Variants in NPR3 observed in about 807,000 individuals in gnomAD.
NPR3 encodes the protein natriuretic peptide receptor 3.
In NPR3, 34 loss-of-function variants were observed where a neutral mutation model predicts 54.5. The observed-to-expected ratio is 0.62, with a 90% CI of 0.47 to 0.83. The LOEUF (loss-of-function observed/expected upper bound fraction) is 0.83. NPR3 is among the 40% of genes least tolerant of loss of function. The probability of loss-of-function intolerance (pLI) is 0.00; values close to 1 mark genes in which losing one functional copy is unlikely to be tolerated. For synonymous variants in NPR3, 289 were observed against 297.1 expected, an observed-to-expected ratio of 0.97 and a Z score of 0.28; for missense variants, 674 against 720.8, an observed-to-expected ratio of 0.94 and a Z score of 0.74.
At chr5:32,744,270 C>G (rs1481673997) in intron 3 of NPR3, among the ~76,000 whole-genome samples, 1 of 152,116 alleles carries the variant, frequency 6.6e-6, no homozygotes, top group East Asian at 1.9e-4. Context: ...GGATTACAGG[C>G]GTGAGCCATC....
At chr5:32,740,437 T>A (rs817901) in intron 3 of NPR3, among the ~76,000 whole-genome samples, 58,484 of 152,030 alleles carry the variant, frequency 0.38, 12,076 homozygotes, top group African/African-American at 0.54. Context: ...CATACAAAGG[T>A]TCTTATAAAC....
intron 1 of NPR3, among the ~76,000 whole-genome samples, chr5:32,699,643 G>A (rs1055325320): frequency 6.6e-6 from 1 of 152,110 alleles, no homozygotes; most frequent in Non-Finnish European, 1.5e-5. Flanking sequence ...CTTGTATTGT[G>A]TATGTCTTGA....
At chr5:32,752,092 T>C (rs1369621685) in intron 3 of NPR3, among the ~76,000 whole-genome samples, 1 of 152,098 alleles carries the variant, frequency 6.6e-6, no homozygotes, top group African/African-American at 2.4e-5. Context: ...TAATTCCAGC[T>C]ACTCGGGAGG....
At chr5:32,737,038 G>A (rs995978704) in intron 2 of NPR3, among the ~76,000 whole-genome samples, 2 of 152,162 alleles carry the variant, frequency 1.3e-5, no homozygotes, top group African/African-American at 4.8e-5. Context: ...GTGCCCAGCT[G>A]CCTCCTGGCT....
chr5:32,776,892 G>A (rs1742078762), intron 4 of NPR3, among the ~76,000 whole-genome samples: 1 of 152,118 alleles, frequency 6.6e-6, no homozygotes, highest in African/African-American at 2.4e-5. Context: ...GTTTAGAGTG[G>A]TCAGGGAAGG....
At chr5:32,777,972 C>G (rs1742149285) in intron 4 of NPR3, among the ~76,000 whole-genome samples, 1 of 152,158 alleles carries the variant, frequency 6.6e-6, no homozygotes, top group African/African-American at 2.4e-5. Flanking sequence ...CTATTACTCA[C>G]TACATGGTGT....
intron 1 of NPR3, among the ~76,000 whole-genome samples, chr5:32,714,976 C>T (rs961736457): frequency 2.6e-5 from 4 of 152,174 alleles, no homozygotes; most frequent in Non-Finnish European, 5.9e-5. Context: ...GTGAGGGTTA[C>T]AGAAGCTAAC....
chr5:32,751,024 G>A (rs1740547941), intron 3 of NPR3, among the ~76,000 whole-genome samples: 1 of 152,170 alleles, frequency 6.6e-6, no homozygotes, highest in South Asian at 2.1e-4. Flanking sequence ...TTTTAAAAAT[G>A]CGTCTTTCCT....
intron 1 of NPR3, among the ~76,000 whole-genome samples, chr5:32,695,034 A>T (rs1740489043): frequency 6.6e-6 from 1 of 152,200 alleles, no homozygotes; most frequent in Non-Finnish European, 1.5e-5. Flanking sequence ...ACATGACAGG[A>T]TCTCATTCTT....
rs1490254535 is a variant in NPR3 at position 32,728,833 on chromosome 5, GTGTGTATATATATATATATATA to G, written c.892+4015_892+4036del. ...GGAATATTTGTGTGTGTGTGTGTGT[GTGTGTATATATATATATATATA>G]TATATATATATATATATATATGTAA... On this transcript the variant is annotated intron_variant, in intron 2 of 7. Coordinates refer to ENST00000265074, the MANE Select transcript of NPR3 (RefSeq NM_001204375.2). Among the ~76,000 whole-genome samples the G allele has an allele frequency of 1.1e-3, 70 of 64,062 alleles. 2 individuals are homozygous for G. The highest frequency in any genetic ancestry group is 4.4e-3 in the African/African-American group (67 of 15,230). The allele number at this position is 64,062 out of a possible 152,430, so 42.0% of individuals were successfully genotyped here. A position where few individuals can be genotyped will look rare whatever the true frequency, so the allele number is the denominator to read the frequency against.
At chr5:32,745,214 G>T (rs187162515) in intron 3 of NPR3, among the ~76,000 whole-genome samples, 2 of 152,258 alleles carry the variant, frequency 1.3e-5, no homozygotes, top group African/African-American at 4.8e-5. Flanking sequence ...TAGTAATGGG[G>T]TTTCACAGTG....
Position 32,711,493 on chromosome 5 carries a change from A to G in NPR3, c.-284A>G, listed in dbSNP as rs1283550330. The G allele has an allele frequency of 1.7e-6, 2 of 1,152,966 alleles. No individual in the cohort carries two copies. Among genetic ancestry groups the G allele is most frequent in the African/African-American group, 1.6e-5 (1 of 62,946 alleles). 71.4% of individuals were successfully genotyped at this position (1,152,966 alleles called of 1,614,324 possible). Reference sequence around the variant, plus strand: ...GTATATGTATAAACGGAGGGCGAATATATACAAGTATATATATATGTATAT... The same window carrying G: ...GTATATGTATAAACGGAGGGCGAATGTATACAAGTATATATATATGTATAT... On this transcript the variant is annotated 5_prime_UTR_variant, in exon 1 of 8. It adds an upstream start codon to the 5' untranslated region. Coordinates refer to ENST00000265074, the MANE Select transcript of NPR3 (RefSeq NM_001204375.2).
intron 3 of NPR3, among the ~76,000 whole-genome samples, chr5:32,749,721 T>G (rs913201796): frequency 1.3e-5 from 2 of 152,208 alleles, no homozygotes; most frequent in African/African-American, 4.8e-5. Flanking sequence ...GACTTATTAC[T>G]TAAACCCAAT....
chr5:32,739,725 C>T (rs1739942936), intron 3 of NPR3, among the ~76,000 whole-genome samples: 1 of 152,140 alleles, frequency 6.6e-6, no homozygotes, highest in Non-Finnish European at 1.5e-5. Context: ...TTTTGACTGC[C>T]TCTGACATGC....
chr5:32,731,902 G>A (rs1436749872), intron 2 of NPR3, among the ~76,000 whole-genome samples: 3 of 152,128 alleles, frequency 2.0e-5, no homozygotes, highest in Admixed American at 6.6e-5. Context: ...GTCATCAGGA[G>A]TCCAAGCTGG....
chr5:32,764,769 CA>C (rs1741360236), intron 3 of NPR3, among the ~76,000 whole-genome samples: 1 of 101,098 alleles, frequency 9.9e-6, no homozygotes, highest in African/African-American at 4.1e-5. Flanking sequence ...GCCTGGGTGA[CA>C]AGAGTGAGGG....
intron 3 of NPR3, among the ~76,000 whole-genome samples, chr5:32,772,222 T>G (rs1446458980): frequency 6.6e-6 from 1 of 152,248 alleles, no homozygotes; most frequent in Admixed American, 6.5e-5. Flanking sequence ...AGCCAGAATC[T>G]ATCAGTTTCT....
At chr5:32,764,826 C>T (rs867076169) in intron 3 of NPR3, among the ~76,000 whole-genome samples, 7 of 131,168 alleles carry the variant, frequency 5.3e-5, no homozygotes, top group Non-Finnish European at 6.5e-5. Context: ...AGAATTTGTC[C>T]AGGATATAGA....
rs181417884 is a variant in NPR3, at chr5:32,723,835, C to T, written c.770-863C>T. 3.3e-5 allele frequency among the ~76,000 whole-genome samples: 5 copies of T among 151,662 alleles called. No homozygotes were observed. In the East Asian group the frequency reaches 9.7e-4, roughly 29 times the overall value. ...TTATGATTTCAAGTATCTCCCTGTC[C>T]CTCTCTCCTCTTCTCCCCTCTTCTC... On this transcript the variant is annotated intron_variant, in intron 1 of 7. Coordinates refer to ENST00000265074, the MANE Select transcript of NPR3 (RefSeq NM_001204375.2).
Sources: gnomAD v4.1 joint callset for allele counts (sites outside exome capture counted in the v4.1 genomes callset) on GRCh38, gnomAD v4.1.1 for gene constraint, MANE v1.5 for transcripts, NCBI Gene and HGNC (gene_info 2026-07-23, HGNC 2026-07-21) for gene names.